PLD5: variants seen among roughly 807,000 people sequenced by gnomAD.
The protein encoded by PLD5 is phospholipase D family member 5.
In PLD5, 36 loss-of-function variants were observed where a neutral mutation model predicts 61.1. The observed-to-expected ratio is 0.59, with a 90% confidence interval of 0.45 to 0.78. The LOEUF (loss-of-function observed/expected upper bound fraction) is 0.78, where lower values mean the gene tolerates loss of function less well. Among genes scored for constraint, PLD5 ranks in the 30% least tolerant of loss-of-function variants. The pLI, the probability that PLD5 is intolerant of heterozygous loss-of-function variation, is 0.00. For missense variants in PLD5, 515 were observed against 644.4 expected, an observed-to-expected ratio of 0.80 and a Z score of 2.17; for synonymous variants, 243 against 242.8, an observed-to-expected ratio of 1.00 and a Z score of -0.01.
intron 5 of PLD5, among the ~76,000 whole-genome samples, chr1:242,149,125 C>T (rs1193800681): frequency 6.6e-6 from 1 of 151,760 alleles, no homozygotes. Flanking sequence ...AAATATAATG[C>T]TAGCTGTAGG....
Position 242,515,267 on chromosome 1 carries a change from C to T in PLD5, c.189+8821G>A, listed in dbSNP as rs546648810. On this transcript the variant is annotated intron_variant, in intron 1 of 9. Transcript: ENST00000536534. Reference sequence around the variant, plus strand: ...CACTACTGTTGCCCAGGCTGGAGTGCAATGGCACAATCTTGGCTCACTGCA... The same window carrying T: ...CACTACTGTTGCCCAGGCTGGAGTGTAATGGCACAATCTTGGCTCACTGCA... Among the ~76,000 whole-genome samples, 9 of 152,138 alleles carry T rather than the reference C, an allele frequency of 5.9e-5. No individual in the cohort carries two copies. In the South Asian group the frequency reaches 1.9e-3, roughly 32 times the overall value.
intron 1 of PLD5, among the ~76,000 whole-genome samples, chr1:242,409,682 C>T (rs896569994): frequency 5.3e-5 from 8 of 152,160 alleles, no homozygotes; most frequent in African/African-American, 1.7e-4. Flanking sequence ...CTGGAGAAGG[C>T]AGTGGCTGAT....
intron 3 of PLD5, among the ~76,000 whole-genome samples, chr1:242,266,123 C>T (rs772938702): frequency 6.6e-6 from 1 of 152,212 alleles, no homozygotes; most frequent in Non-Finnish European, 1.5e-5. Context: ...TGCCTCTAAT[C>T]CCAGAACTTT....
At chr1:242,485,011 C>T (rs555781692) in intron 1 of PLD5, among the ~76,000 whole-genome samples, 1 of 152,102 alleles carries the variant, frequency 6.6e-6, no homozygotes, top group African/African-American at 2.4e-5. Context: ...ATTCAACAGC[C>T]CTTCATGCTA....
At chr1:242,331,804 T>C (rs1352500366) in intron 2 of PLD5, among the ~76,000 whole-genome samples, 1 of 152,190 alleles carries the variant, frequency 6.6e-6, no homozygotes, top group East Asian at 1.9e-4. Context: ...ACATTTGATG[T>C]TAATACTTCT....
chr1:242,241,571 G>C (rs1208712393), intron 4 of PLD5, among the ~76,000 whole-genome samples: 1 of 151,934 alleles, frequency 6.6e-6, no homozygotes, highest in African/African-American at 2.4e-5. Context: ...AAATAAGGTG[G>C]TATGCCAAAA....
At chr1:242,110,904 T>C (rs988978751) in intron 7 of PLD5, among the ~76,000 whole-genome samples, 3 of 152,182 alleles carry the variant, frequency 2.0e-5, no homozygotes, top group South Asian at 2.1e-4. Flanking sequence ...TTATTATTCC[T>C]TTACACATTT....
chr1:242,523,372 C>G (rs745375174), intron 1 of PLD5, among the ~76,000 whole-genome samples: 1 of 151,648 alleles, frequency 6.6e-6, no homozygotes, highest in Non-Finnish European at 1.5e-5. Context: ...AAATAGCAAG[C>G]CTTAGGAGCT....
chr1:242,193,404 G>A (rs1286516886), intron 5 of PLD5, among the ~76,000 whole-genome samples: 1 of 152,194 alleles, frequency 6.6e-6, no homozygotes, highest in African/African-American at 2.4e-5. Context: ...GAGAAAAGGT[G>A]AAGATTTAGG....
chr1:242,165,183 A>T (rs1027488050), intron 5 of PLD5, among the ~76,000 whole-genome samples: 22 of 147,148 alleles, frequency 1.5e-4, no homozygotes, highest in Admixed American at 4.7e-4. Context: ...TATTTTACTT[A>T]AGAAAAAAAA....
chr1:242,395,043 G>GAATATATATGAATATATGAA (rs879927435), intron 1 of PLD5, among the ~76,000 whole-genome samples: 2 of 67,464 alleles, frequency 3.0e-5, no homozygotes, highest in Admixed American at 3.5e-4. Flanking sequence ...GAATGTATAT[G>GAATATATATGAATATATGAA]TATATATGAA....
Position 242,287,527 on chromosome 1 carries a change from T to C in PLD5, c.495+835A>G, listed in dbSNP as rs185987382. 6.3e-3 allele frequency among the ~76,000 whole-genome samples: 962 copies of C among 152,280 alleles called. 10 individuals carry two copies. Among genetic ancestry groups the C allele is most frequent in the African/African-American group, 0.022 (904 of 41,544 alleles). On this transcript the variant is annotated intron_variant, in intron 3 of 9. Transcript: ENST00000536534. ...AACTTTTGACTTTAAAATAGTATAA[T>C]TGAATAGATTCAATAGCTTTCAAAG...
At chr1:242,250,584 A>G (rs1453840714) in intron 4 of PLD5, among the ~76,000 whole-genome samples, 1 of 152,196 alleles carries the variant, frequency 6.6e-6, no homozygotes, top group Non-Finnish European at 1.5e-5. Flanking sequence ...AAATCGATAC[A>G]TTCTTAGCTT....
chr1:242,291,385 C>T (rs376037532), intron 2 of PLD5, among the ~76,000 whole-genome samples: 39 of 152,130 alleles, frequency 2.6e-4, no homozygotes, highest in East Asian at 1.5e-3. Context: ...TTTGTTGGTC[C>T]GGAATTGTAT....
intron 2 of PLD5, among the ~76,000 whole-genome samples, chr1:242,296,146 C>A (rs1208418221): frequency 6.6e-6 from 1 of 152,260 alleles, no homozygotes; most frequent in African/African-American, 2.4e-5. Flanking sequence ...ATAGTAAACC[C>A]ATGTTTACCA....
At chr1:242,277,984 AAAAC>A (rs71297759) in intron 3 of PLD5, among the ~76,000 whole-genome samples, 13 of 152,336 alleles carry the variant, frequency 8.5e-5, no homozygotes, top group African/African-American at 1.9e-4. Context: ...CCCTGTCTCA[AAAAC>A]AAACAAACAA....
chr1:242,431,413 C>T (rs949809969), intron 1 of PLD5, among the ~76,000 whole-genome samples: 2 of 152,206 alleles, frequency 1.3e-5, no homozygotes, highest in African/African-American at 4.8e-5. Flanking sequence ...AGAGATGAAT[C>T]GGTTCCACAT....
At chr1:242,337,324 G>A (rs1472004159) in intron 2 of PLD5, among the ~76,000 whole-genome samples, 1 of 30,816 alleles carries the variant, frequency 3.2e-5, no homozygotes, top group Non-Finnish European at 1.0e-4. Flanking sequence ...GCCTTTGAGA[G>A]TGTGGCTCAA....
chr1:242,237,523 G>T (rs530944992), intron 4 of PLD5, among the ~76,000 whole-genome samples: 2 of 152,302 alleles, frequency 1.3e-5, no homozygotes. Flanking sequence ...GCAGGAGCAA[G>T]GGGGCTCTCC....
Sources: allele counts gnomAD v4.1 joint callset (sites outside exome capture counted in the v4.1 genomes callset), GRCh38; gene constraint gnomAD v4.1.1; transcripts MANE v1.5; gene names NCBI Gene and HGNC (gene_info 2026-07-23, HGNC 2026-07-21).